Variants in FAM76A observed in about 807,000 individuals in gnomAD.
FAM76A encodes the protein protein FAM76A.
Under a neutral mutation model 46.2 loss-of-function variants are expected in FAM76A, and 32 were observed. That is an observed-to-expected ratio of 0.69 (90% CI 0.52 to 0.93). FAM76A has a LOEUF of 0.93. Ranked by LOEUF, FAM76A falls within the 40% of genes least tolerant of loss-of-function variation. The probability of loss-of-function intolerance (pLI) is 0.00; values close to 1 mark genes in which losing one functional copy is unlikely to be tolerated. For missense variants in FAM76A, 274 were observed against 361.5 expected, an observed-to-expected ratio of 0.76 and a Z score of 1.96; for synonymous variants, 137 against 127.0, an observed-to-expected ratio of 1.08 and a Z score of -0.53.
intron 6 of FAM76A, among the ~76,000 whole-genome samples, chr1:27,750,315 C>T (rs1003449359): frequency 9.9e-5 from 15 of 152,168 alleles, no homozygotes; most frequent in African/African-American, 3.6e-4. Flanking sequence ...GATTTTTAAA[C>T]TTCTTGAATT....
chr1:27,737,580 G>T (rs555854500), intron 4 of FAM76A, among the ~76,000 whole-genome samples: 1 of 151,676 alleles, frequency 6.6e-6, no homozygotes, highest in Non-Finnish European at 1.5e-5. Context: ...GGCCGGGCAC[G>T]TTGGCTCACG....
chr1:27,731,762 T>C (rs2087961498), intron 2 of FAM76A, among the ~76,000 whole-genome samples: 1 of 152,206 alleles, frequency 6.6e-6, no homozygotes, highest in Admixed American at 6.5e-5. Flanking sequence ...CTGATAATTT[T>C]ATTTAGTGAT....
intron 6 of FAM76A, 141 bp from the exon 7 acceptor site, chr1:27,755,054 C>A: frequency 1.1e-6 from 1 of 893,810 alleles, no homozygotes; most frequent in East Asian, 2.6e-5. Flanking sequence ...CCGTTGAGCC[C>A]AGCATGTGTG....
rs2088492929 is a variant in FAM76A, at chr1:27,760,870, C to CTTTT, written c.*292_*295dup. ...TATTTTGGTTCTATTCTTTTTTTTT[C>CTTTT]TTTTTTCTTTTTTTTTTTTTTTTTT... is the stretch of plus-strand genomic sequence containing the variant. On this transcript the variant is annotated 3_prime_UTR_variant, in exon 9 of 9. Transcript: ENST00000373954. 7.0e-5 allele frequency: 3 copies of CTTTT among 43,156 alleles called. No homozygotes were observed. The highest frequency in any genetic ancestry group is 1.4e-4 in the Non-Finnish European group (3 of 21,276). The allele number at this position is 43,156 out of a possible 1,614,324, so 2.7% of individuals were successfully genotyped here.
intron 4 of FAM76A, among the ~76,000 whole-genome samples, chr1:27,741,894 AAAG>A (rs1251335483): frequency 2.0e-4 from 29 of 146,080 alleles, no homozygotes; most frequent in African/African-American, 6.4e-4. Flanking sequence ...AAAAAAAAAA[AAAG>A]AGAGAGGATG....
chr1:27,752,668 G>A (rs1475403545), intron 6 of FAM76A, among the ~76,000 whole-genome samples: 1 of 152,190 alleles, frequency 6.6e-6, no homozygotes, highest in Admixed American at 6.5e-5. Context: ...GGACCAATAT[G>A]TAGGGTTATA....
rs1402056948 is a variant in FAM76A, at chr1:27,759,621, A to G, written c.831A>G (p.Gln277=). 6.2e-7 allele frequency: 1 copy of G among 1,609,190 alleles called. No homozygotes were observed. The highest frequency in any genetic ancestry group is 1.7e-5 in the Admixed American group (1 of 59,814). ...AAACCCACAAAGAAGTCACAGAACAACTGCAGGTGACTGACTCTGCTTATT... is the reference window on the plus strand; with the variant it reads ...AAACCCACAAAGAAGTCACAGAACAGCTGCAGGTGACTGACTCTGCTTATT... ...MEKTHKEVTE[Q]LQAKNRELLK... is the part of the protein sequence containing the mutation. The change falls in exon 8 of 9, where the codon CAA becomes CAG. Residue 277 remains glutamine, a synonymous_variant. Coordinates refer to ENST00000373954, the MANE Select transcript of FAM76A (RefSeq NM_152660.3).
At chr1:27,729,382 T>G (rs894248251) in intron 2 of FAM76A, among the ~76,000 whole-genome samples, 1 of 151,978 alleles carries the variant, frequency 6.6e-6, no homozygotes, top group Non-Finnish European at 1.5e-5. Flanking sequence ...TTTTTTTTTG[T>G]ATCTTTAGTA....
intron 1 of FAM76A, among the ~76,000 whole-genome samples, chr1:27,726,487 C>T (rs1351711455): frequency 6.6e-6 from 1 of 152,224 alleles, no homozygotes; most frequent in Non-Finnish European, 1.5e-5. Context: ...TCCCCCGCCG[C>T]CGCGGTCTCC....
At chr1:27,734,459 A>G (rs772642787) in intron 4 of FAM76A, among the ~76,000 whole-genome samples, 2 of 152,118 alleles carry the variant, frequency 1.3e-5, no homozygotes, top group Non-Finnish European at 2.9e-5. Flanking sequence ...GGGCAGAAGA[A>G]TCACTTGAAC....
At position 27,734,088 on chromosome 1, in the gene FAM76A, C is replaced by G; in HGVS notation, c.259C>G (p.Arg87Gly). 1 of 1,612,868 alleles carries G rather than the reference C, an allele frequency of 6.2e-7. No homozygotes were observed. The highest frequency in any genetic ancestry group is 8.5e-7 in the Non-Finnish European group (1 of 1,179,776). The change falls in exon 4 of 9, where the codon CGC (arginine) becomes GGC (glycine). Residue 87 changes from arginine to glycine, a missense_variant. Coordinates refer to ENST00000373954, the MANE Select transcript of FAM76A (RefSeq NM_152660.3). ...AGCATTTATTGGGAATAAATGCCAG[C>G]GCTGCACAAATTCAGAAAAGAAGTA... ...IAAFIGNKCQRCTNSEKKYGP... is the reference protein window; with the variant it reads ...IAAFIGNKCQGCTNSEKKYGP...
intron 4 of FAM76A, among the ~76,000 whole-genome samples, chr1:27,734,741 C>G (rs1320232534): frequency 6.6e-6 from 1 of 152,162 alleles, no homozygotes; most frequent in Non-Finnish European, 1.5e-5. Flanking sequence ...TGGCAGAATT[C>G]TATGGAATTC....
chr1:27,740,117 A>C, intron 4 of FAM76A: 1 of 444,792 alleles, frequency 2.2e-6, no homozygotes, highest in East Asian at 5.1e-5. Context: ...AAAGCTTTCA[A>C]AAGCAGCTAG....
chr1:27,732,800 C>G (rs376951322), intron 3 of FAM76A, 143 bp downstream of exon 3: 4 of 523,780 alleles, frequency 7.6e-6, no homozygotes, highest in African/African-American at 7.5e-5. Flanking sequence ...TCAGCTTTCA[C>G]ATTTAGCTAA....
chr1:27,760,020 A>C (rs771571366), intron 8 of FAM76A: 1 of 457,426 alleles, frequency 2.2e-6, no homozygotes, highest in South Asian at 1.6e-5. Context: ...CAATCCTCCC[A>C]CCTCAACCTC....
At chr1:27,751,396 T>A in intron 6 of FAM76A, among the ~76,000 whole-genome samples, 1 of 152,236 alleles carries the variant, frequency 6.6e-6, no homozygotes, top group Non-Finnish European at 1.5e-5. Flanking sequence ...TGTGGGTTTT[T>A]TTTCCCTGCA....
At chr1:27,757,813 A>G (rs1174628683) in intron 7 of FAM76A, among the ~76,000 whole-genome samples, 2 of 152,112 alleles carry the variant, frequency 1.3e-5, no homozygotes, top group Non-Finnish European at 2.9e-5. Flanking sequence ...TGTCTCTACT[A>G]AAAATACAAA....
intron 4 of FAM76A, among the ~76,000 whole-genome samples, chr1:27,737,892 A>AG (rs2088081743): frequency 1.4e-5 from 2 of 141,942 alleles, no homozygotes; most frequent in Non-Finnish European, 3.0e-5. Context: ...AAAAAAAAAA[A>AG]CAGAAAAAAA....
At chr1:27,747,891 G>C (rs1359805084) in intron 5 of FAM76A, among the ~76,000 whole-genome samples, 2 of 151,880 alleles carry the variant, frequency 1.3e-5, no homozygotes, top group Non-Finnish European at 2.9e-5. Context: ...CTGCACTCCA[G>C]CTTGGGTGAC....
Sources: gnomAD v4.1 joint callset for allele counts (sites outside exome capture counted in the v4.1 genomes callset) on GRCh38, gnomAD v4.1.1 for gene constraint, MANE v1.5 for transcripts, NCBI Gene and HGNC (gene_info 2026-07-23, HGNC 2026-07-21) for gene names.